Variants in TBC1D30 observed in about 807,000 individuals in gnomAD.
TBC1D30 encodes TBC1 domain family member 30, also known as TBC1 domain family, member 30.
Under a neutral mutation model 63.2 loss-of-function variants are expected in TBC1D30, and 31 were observed. The observed-to-expected ratio is 0.49, with a 90% CI of 0.37 to 0.66. The LOEUF is 0.66. TBC1D30 is among the 30% of genes least tolerant of loss of function. The pLI is 0.00. For synonymous variants in TBC1D30, 307 were observed against 361.5 expected (o/e 0.85, Z 1.71); for missense variants, 810 against 953.6 (o/e 0.85, Z 1.98).
intron 1 of TBC1D30, among the ~76,000 whole-genome samples, chr12:64,782,102 T>C (rs1871327584): frequency 6.6e-6 from 1 of 152,162 alleles, no homozygotes; most frequent in South Asian, 2.1e-4. Flanking sequence ...TCATAATAGC[T>C]TGCCTTTCAG....
At position 64,825,047 on chromosome 12, in the gene TBC1D30, G is replaced by C. The variant is rs767520298; in HGVS notation, c.154+14G>C. The C allele has an allele frequency of 2.6e-6, 4 of 1,526,344 alleles. No individual in the cohort carries two copies. Among genetic ancestry groups the C allele is most frequent in the East Asian group, 2.5e-5 (1 of 40,558 alleles). The allele number at this position is 1,526,344 out of a possible 1,614,324, so 94.6% of individuals were successfully genotyped here. A position where few individuals can be genotyped will look rare whatever the true frequency, so the allele number is the denominator to read the frequency against. ...CCCTGGAGCCGGGTGAGGACCCCAG[G>C]GCTGCAGATGGGGCGCTGTAAAGTA... On this transcript the variant is annotated intron_variant, in intron 1 of 11. Coordinates refer to ENST00000539867, the MANE Select transcript of TBC1D30 (RefSeq NM_015279.2).
Position 64,824,800 on chromosome 12 carries a change from C to G in TBC1D30, c.-80C>G. The G allele has an allele frequency of 3.4e-6, 5 of 1,478,548 alleles. No homozygotes were observed. The highest frequency in any genetic ancestry group is 4.5e-6 in the Non-Finnish European group (5 of 1,114,560). 91.6% of individuals were successfully genotyped at this position (1,478,548 alleles called of 1,614,324 possible). ...TCAGCCGCAGACACTCACCCAGCTC[C>G]GCGAGCTCAGCCGCTCAGCGAGTGG... On this transcript the variant is annotated 5_prime_UTR_variant, in exon 1 of 12. Transcript: ENST00000539867.
chr12:64,775,113 A>G (rs1485645968), intron 1 of TBC1D30, among the ~76,000 whole-genome samples: 2 of 149,762 alleles, frequency 1.3e-5, no homozygotes, highest in African/African-American at 4.9e-5. Context: ...AAATATATAT[A>G]TATAGATATA....
intron 8 of TBC1D30, among the ~76,000 whole-genome samples, chr12:64,860,889 C>T (rs1877732192): frequency 6.6e-6 from 1 of 152,206 alleles, no homozygotes; most frequent in Non-Finnish European, 1.5e-5. Flanking sequence ...ACACTGCTTC[C>T]ACCTATTCAA....
chr12:64,874,499 C>T (rs1331305762), intron 11 of TBC1D30, among the ~76,000 whole-genome samples: 3 of 152,256 alleles, frequency 2.0e-5, no homozygotes, highest in Non-Finnish European at 4.4e-5. Flanking sequence ...TGTGATTTCA[C>T]TGCATTCTCA....
At chr12:64,847,690 C>G (rs914607730) in intron 8 of TBC1D30, among the ~76,000 whole-genome samples, 1 of 149,622 alleles carries the variant, frequency 6.7e-6, no homozygotes, top group Non-Finnish European at 1.5e-5. Context: ...GTATAGTTTG[C>G]AAAATTCCTC....
chr12:64,825,177 T>C, intron 1 of TBC1D30, 144 bp downstream of exon 1: 1 of 1,240,546 alleles, frequency 8.1e-7, no homozygotes, highest in South Asian at 1.7e-5. Flanking sequence ...CGTTGGCACC[T>C]GCAGGGAGCG....
At chr12:64,809,840 C>G (rs1219887014) in intron 2 of TBC1D30, among the ~76,000 whole-genome samples, 1 of 152,136 alleles carries the variant, frequency 6.6e-6, no homozygotes. Flanking sequence ...AGCATCCTTC[C>G]CCCAGATGGT....
rs1333447430 is a variant in TBC1D30 at position 64,877,785 on chromosome 12, C to G, written c.*1997C>G. The G allele has an allele frequency of 6.6e-6, 1 of 152,278 alleles. No individual in the cohort carries two copies. Among genetic ancestry groups the G allele is most frequent in the African/African-American group, 2.4e-5 (1 of 41,454 alleles). The allele number at this position is 152,278 out of a possible 1,614,324, so 9.4% of individuals were successfully genotyped here. A position where few individuals can be genotyped will look rare whatever the true frequency, so the allele number is the denominator to read the frequency against. On this transcript the variant is annotated 3_prime_UTR_variant, in exon 12 of 12. Transcript: ENST00000539867. ...GATAATAGTGTTTCCACCTCATATCCTTTTCTTTGCCCCTTCTCAAATGAG... is the reference window on the plus strand; with the variant it reads ...GATAATAGTGTTTCCACCTCATATCGTTTTCTTTGCCCCTTCTCAAATGAG...
chr12:64,761,890 C>T (rs1237912843), intron 1 of TBC1D30, among the ~76,000 whole-genome samples: 1 of 152,206 alleles, frequency 6.6e-6, no homozygotes, highest in Non-Finnish European at 1.5e-5. Context: ...TGGATCAGGA[C>T]CCCTTTCCGG....
Position 64,870,048 on chromosome 12 carries a change from G to A in TBC1D30, c.1292-554G>A, listed in dbSNP as rs547402933. On this transcript the variant is annotated intron_variant, in intron 10 of 11. Coordinates refer to ENST00000539867, the MANE Select transcript of TBC1D30 (RefSeq NM_015279.2). ...TATCACAGGAGCAGACACCACATCCGATATAACAACAGAGTGGACAGGAAA... is the reference window on the plus strand; with the variant it reads ...TATCACAGGAGCAGACACCACATCCAATATAACAACAGAGTGGACAGGAAA... 7.2e-5 allele frequency among the ~76,000 whole-genome samples: 11 copies of A among 152,262 alleles called. No individual in the cohort carries two copies. In the South Asian group the frequency reaches 2.1e-3, roughly 29 times the overall value.
At chr12:64,762,394 G>A (rs1870548489) in intron 1 of TBC1D30, among the ~76,000 whole-genome samples, 1 of 152,176 alleles carries the variant, frequency 6.6e-6, no homozygotes, top group Non-Finnish European at 1.5e-5. Flanking sequence ...GTGGCATGAA[G>A]AACAGATTGG....
At chr12:64,800,367 G>A (rs964581271) in intron 2 of TBC1D30, among the ~76,000 whole-genome samples, 2 of 152,178 alleles carry the variant, frequency 1.3e-5, no homozygotes, top group African/African-American at 4.8e-5. Flanking sequence ...GGGTTTTCAT[G>A]TTTCAGAGGT....
intron 1 of TBC1D30, among the ~76,000 whole-genome samples, chr12:64,785,177 G>A (rs1361392698): frequency 7.0e-6 from 1 of 142,778 alleles, no homozygotes; most frequent in East Asian, 2.0e-4. Context: ...TTGAGACGGA[G>A]TTTCGCTCTT....
chr12:64,830,948 A>AGGTTGGAAGTTCAAG (rs1358924205), intron 4 of TBC1D30, among the ~76,000 whole-genome samples: 12 of 152,174 alleles, frequency 7.9e-5, no homozygotes, highest in Admixed American at 5.9e-4. Flanking sequence ...CCAACCAAAT[A>AGGTTGGAAGTTCAAG]CTTGTGGGTT....
intron 2 of TBC1D30, among the ~76,000 whole-genome samples, chr12:64,805,368 GATA>G (rs1286038558): frequency 2.0e-5 from 3 of 152,160 alleles, no homozygotes. Flanking sequence ...AGAAAAGTGT[GATA>G]ATAATAATCA....
intron 1 of TBC1D30, among the ~76,000 whole-genome samples, chr12:64,771,765 C>T (rs775179850): frequency 1.3e-5 from 2 of 152,160 alleles, no homozygotes; most frequent in Non-Finnish European, 2.9e-5. Flanking sequence ...AACATAGTAA[C>T]AGGAAGAGCT....
intron 2 of TBC1D30, among the ~76,000 whole-genome samples, chr12:64,806,002 T>A (rs1025808917): frequency 6.6e-6 from 1 of 152,184 alleles, no homozygotes; most frequent in Non-Finnish European, 1.5e-5. Flanking sequence ...AGTTGCAATT[T>A]ATTTCTGTAT....
intron 8 of TBC1D30, among the ~76,000 whole-genome samples, chr12:64,845,492 T>C (rs1445382752): frequency 3.3e-5 from 5 of 152,044 alleles, no homozygotes; most frequent in Non-Finnish European, 5.9e-5. Flanking sequence ...TTTGGGAGGC[T>C]GAGGCGGGCA....
Sources: allele counts gnomAD v4.1 joint callset (sites outside exome capture counted in the v4.1 genomes callset), GRCh38; gene constraint gnomAD v4.1.1; transcripts MANE v1.5; gene names NCBI Gene and HGNC (gene_info 2026-07-23, HGNC 2026-07-21).